The following NOL4 variants were observed in gnomAD, a reference collection of about 807,000 sequenced individuals.
NOL4 encodes the protein nucleolar protein 4.
A neutral mutation model predicts 75.9 loss-of-function variants in NOL4; 17 were observed. The ratio of observed to expected loss-of-function variants is 0.22; its 90% CI spans 0.15 to 0.34. The LOEUF (loss-of-function observed/expected upper bound fraction) is 0.34, where lower values mean the gene tolerates loss of function less well. NOL4 is among the 10% of genes least tolerant of loss of function. The pLI, the probability that NOL4 is intolerant of heterozygous loss-of-function variation, is 1.00. For synonymous variants in NOL4, 292 were observed against 289.9 expected (o/e 1.01, Z -0.07); for missense variants, 614 against 793.5 (o/e 0.77, Z 2.72).
intron 10 of NOL4, among the ~76,000 whole-genome samples, chr18:33,861,682 G>C (rs1006811469): frequency 1.3e-5 from 2 of 152,096 alleles, no homozygotes; most frequent in Non-Finnish European, 2.9e-5. Context: ...GCTTCAAAGA[G>C]AATAAAATAC....
intron 6 of NOL4, among the ~76,000 whole-genome samples, chr18:33,979,852 C>T (rs995849242): frequency 7.9e-5 from 12 of 151,980 alleles, no homozygotes; most frequent in Admixed American, 2.0e-4. Context: ...AGGGAACTGT[C>T]GGCTCATAAC....
At chr18:33,958,514 T>G in intron 6 of NOL4, 96 bp from the exon 7 acceptor site, 1 of 1,144,056 alleles carries the variant, frequency 8.7e-7, no homozygotes, top group Non-Finnish European at 1.2e-6. Context: ...CTCAAAAATC[T>G]TGTTTATGAG....
intron 5 of NOL4, among the ~76,000 whole-genome samples, chr18:34,064,115 T>C (rs1472284293): frequency 6.6e-6 from 1 of 152,030 alleles, no homozygotes; most frequent in Non-Finnish European, 1.5e-5. Flanking sequence ...AATTGGCATA[T>C]TGTCACTTAT....
Position 34,203,717 on chromosome 18 carries a change from T to TCTCTCTCACACACACA in NOL4, c.264+19272_264+19273insTGTGTGTGTGAGAGAG, listed in dbSNP as rs1261546835. Reference sequence around the variant, plus strand: ...CTCTCTCTCTCTCTCTCTCTCTCTCTCACACACACACACACACACACACAC... The same window carrying TCTCTCTCACACACACA: ...CTCTCTCTCTCTCTCTCTCTCTCTCTCTCTCTCACACACACACACACACACACACACACACACACAC... On this transcript the variant is annotated intron_variant, in intron 1 of 10. Transcript: ENST00000261592. 5.8e-4 allele frequency among the ~76,000 whole-genome samples: 42 copies of TCTCTCTCACACACACA among 72,300 alleles called. No homozygotes were observed. The South Asian group carries it at 9.8e-3, about 17-fold the overall frequency. 47.4% of individuals were successfully genotyped at this position (72,300 alleles called of 152,430 possible). A position where few individuals can be genotyped will look rare whatever the true frequency, so the allele number is the denominator to read the frequency against.
intron 5 of NOL4, among the ~76,000 whole-genome samples, chr18:34,033,825 C>T (rs756356852): frequency 4.6e-5 from 7 of 151,930 alleles, no homozygotes; most frequent in Non-Finnish European, 8.8e-5. Context: ...TATAAAGGAA[C>T]ACTCCATTAG....
chr18:34,024,215 A>ATATATATATATATATATATATATATATAT (rs1491509605), intron 5 of NOL4, among the ~76,000 whole-genome samples: 111 of 127,286 alleles, frequency 8.7e-4, no homozygotes, highest in Middle Eastern at 4.2e-3. Context: ...ATATATATAT[A>ATATATATATATATATATATATATATATAT]AAATCCTCAT....
chr18:34,219,636 A>T (rs1244811943), intron 1 of NOL4, among the ~76,000 whole-genome samples: 1 of 152,250 alleles, frequency 6.6e-6, no homozygotes, highest in Non-Finnish European at 1.5e-5. Context: ...AGTTGGATGT[A>T]ATCAATGTCA....
At chr18:34,062,125 C>T (rs115061663) in intron 5 of NOL4, among the ~76,000 whole-genome samples, 1,789 of 152,032 alleles carry the variant, frequency 0.012, 34 homozygotes, top group African/African-American at 0.041. Flanking sequence ...ATAAGAAATG[C>T]CCAATGAGAA....
rs150460073 is a variant in NOL4, at chr18:33,961,508, T to C, written c.1057-3090A>G. Reference sequence around the variant, plus strand: ...ACTCCACCACTGGCTTTCCTGGATATTCAGCTTGCAGATAGCAGATCATGG... The same window carrying C: ...ACTCCACCACTGGCTTTCCTGGATACTCAGCTTGCAGATAGCAGATCATGG... On this transcript the variant is annotated intron_variant, in intron 6 of 10. Coordinates refer to ENST00000261592, the MANE Select transcript of NOL4 (RefSeq NM_003787.5). 5.7e-3 allele frequency among the ~76,000 whole-genome samples: 867 copies of C among 152,228 alleles called. 8 individuals are homozygous for C. The highest frequency in any genetic ancestry group is 0.02 in the African/African-American group (811 of 41,554).
chr18:34,047,165 G>A (rs1350696658), intron 5 of NOL4, among the ~76,000 whole-genome samples: 1 of 152,130 alleles, frequency 6.6e-6, no homozygotes, highest in Non-Finnish European at 1.5e-5. Context: ...CTAGCATTAA[G>A]TTTCAGGGAA....
chr18:33,991,172 C>T (rs1187378557), intron 6 of NOL4, among the ~76,000 whole-genome samples: 1 of 151,956 alleles, frequency 6.6e-6, no homozygotes, highest in African/African-American at 2.4e-5. Context: ...ACCCCTCCAC[C>T]TCTAGCTGAC....
intron 9 of NOL4, among the ~76,000 whole-genome samples, chr18:33,916,404 G>A (rs1290806564): frequency 1.3e-5 from 2 of 152,016 alleles, no homozygotes; most frequent in Non-Finnish European, 2.9e-5. Flanking sequence ...AGGGACCGGC[G>A]GCTCATCAGA....
chr18:33,948,864 A>C (rs907398546), intron 8 of NOL4, among the ~76,000 whole-genome samples: 2 of 152,058 alleles, frequency 1.3e-5, no homozygotes, highest in Non-Finnish European at 2.9e-5. Flanking sequence ...TTATAACTTT[A>C]TAATATACAC....
intron 1 of NOL4, among the ~76,000 whole-genome samples, chr18:34,187,205 C>T (rs1018006939): frequency 4.6e-5 from 7 of 152,106 alleles, no homozygotes; most frequent in Non-Finnish European, 1.0e-4. Context: ...TCCTCCTTAA[C>T]CCCATAACAA....
intron 3 of NOL4, 64 bp from the exon 4 acceptor site, chr18:34,104,223 T>C (rs1380341022): frequency 1.0e-6 from 1 of 969,462 alleles, no homozygotes; most frequent in African/African-American, 1.6e-5. Context: ...AATTTTAAAA[T>C]GATCTATTTC....
chr18:33,859,042 A>T (rs1291963845), intron 10 of NOL4, among the ~76,000 whole-genome samples: 5 of 152,124 alleles, frequency 3.3e-5, no homozygotes, highest in African/African-American at 9.6e-5. Context: ...TCATATTTTT[A>T]AAAAAGCCCT....
intron 6 of NOL4, among the ~76,000 whole-genome samples, chr18:33,961,892 C>T (rs2070157754): frequency 6.6e-6 from 1 of 152,092 alleles, no homozygotes. Context: ...AATGCCAATC[C>T]AGACAATTTT....
At chr18:34,083,135 C>A (rs1246889860) in intron 5 of NOL4, among the ~76,000 whole-genome samples, 1 of 152,106 alleles carries the variant, frequency 6.6e-6, no homozygotes, top group African/African-American at 2.4e-5. Flanking sequence ...CATATATACA[C>A]ATGTACGTTC....
chr18:33,981,239 A>G (rs2071932362), intron 6 of NOL4, among the ~76,000 whole-genome samples: 3 of 151,924 alleles, frequency 2.0e-5, no homozygotes, highest in African/African-American at 7.2e-5. Flanking sequence ...AAATATACAT[A>G]ATTAAGATAG....
Sources: allele counts gnomAD v4.1 joint callset (sites outside exome capture counted in the v4.1 genomes callset), GRCh38; gene constraint gnomAD v4.1.1; transcripts MANE v1.5; gene names NCBI Gene and HGNC (gene_info 2026-07-23, HGNC 2026-07-21).